Variants in XPO7 observed in about 807,000 individuals in gnomAD.
The protein encoded by XPO7 is exportin 7.
A neutral mutation model predicts 144.3 loss-of-function variants in XPO7; 21 were observed. That is an observed-to-expected ratio of 0.15 (90% confidence interval 0.10 to 0.21). XPO7 has a LOEUF of 0.21. Among genes scored for constraint, XPO7 ranks in the 10% least tolerant of loss-of-function variants. The pLI is 1.00. For synonymous variants in XPO7, 580 were observed against 499.6 expected, an observed-to-expected ratio of 1.16 and a Z score of -2.15; for missense variants, 808 against 1,325.8, an observed-to-expected ratio of 0.61 and a Z score of 6.06.
At chr8:21,920,481 A>G (rs1476664972) in intron 1 of XPO7, among the ~76,000 whole-genome samples, 1 of 151,710 alleles carries the variant, frequency 6.6e-6, no homozygotes. Flanking sequence ...CCTATGAAAC[A>G]CGGGGTGGAG....
intron 13 of XPO7, among the ~76,000 whole-genome samples, chr8:21,986,740 C>T (rs149102475): frequency 1.4e-4 from 22 of 152,320 alleles, no homozygotes; most frequent in African/African-American, 5.1e-4. Flanking sequence ...ATGATGGAGT[C>T]TCATTCACTC....
intron 1 of XPO7, among the ~76,000 whole-genome samples, chr8:21,949,349 C>T (rs1241208601): frequency 6.6e-6 from 1 of 152,208 alleles, no homozygotes; most frequent in East Asian, 1.9e-4. Flanking sequence ...CCATTGCCTG[C>T]CTAGAGGCAG....
chr8:21,963,820 TC>T (rs1373784575), intron 1 of XPO7, among the ~76,000 whole-genome samples: 1 of 152,208 alleles, frequency 6.6e-6, no homozygotes, highest in Non-Finnish European at 1.5e-5. Context: ...ATCTTTATTT[TC>T]CCCTAATCTA....
At chr8:21,998,285 C>G (rs1335507914) in intron 21 of XPO7, among the ~76,000 whole-genome samples, 1 of 152,042 alleles carries the variant, frequency 6.6e-6, no homozygotes, top group African/African-American at 2.4e-5. Context: ...ACTAAAAATA[C>G]AAAAAATTAG....
At chr8:21,978,985 C>T (rs1563329895) in intron 8 of XPO7, among the ~76,000 whole-genome samples, 1 of 152,190 alleles carries the variant, frequency 6.6e-6, no homozygotes, top group Non-Finnish European at 1.5e-5. Context: ...GAAAGCAGAT[C>T]TAGAGGGGGC....
At chr8:21,950,181 G>A (rs574790286) in intron 1 of XPO7, among the ~76,000 whole-genome samples, 3 of 152,324 alleles carry the variant, frequency 2.0e-5, no homozygotes, top group Non-Finnish European at 2.9e-5. Context: ...AATCTTTTAC[G>A]TTTCTGAAGA....
chr8:21,943,116 G>C (rs1228840342), intron 1 of XPO7, among the ~76,000 whole-genome samples: 1 of 152,118 alleles, frequency 6.6e-6, no homozygotes, highest in African/African-American at 2.4e-5. Flanking sequence ...GACCTCCTAA[G>C]TTTCAGTAAC....
At chr8:21,990,968 A>G in intron 18 of XPO7, 49 bp downstream of exon 18, 1 of 1,550,860 alleles carries the variant, frequency 6.4e-7, no homozygotes, top group Non-Finnish European at 8.9e-7. Context: ...GCACTCTTCT[A>G]AATTTTTATT....
In XPO7 at chr8:21,982,806, T is replaced by C; in HGVS notation, c.1271T>C (p.Ile424Thr). 6.2e-7 allele frequency: 1 copy of C among 1,601,310 alleles called. No homozygotes were observed. Among genetic ancestry groups the C allele is most frequent in the South Asian group, 1.1e-5 (1 of 88,566 alleles). The change falls in exon 11 of 28, where the codon ATA becomes ACA. Residue 424 changes from isoleucine (I) to threonine (T), a missense_variant. Transcript: ENST00000252512. ...TCCCGGTTGGAATCTGTGCACATCA[T>C]ACTGAGGTAAGGAAACTTAGCCTCA... ...ITSRLESVHI[I>T]LRDGLEDPLE...
intron 22 of XPO7, 100 bp from the exon 23 acceptor site, chr8:21,998,991 C>T: frequency 3.4e-6 from 5 of 1,488,432 alleles, no homozygotes; most frequent in Non-Finnish European, 4.6e-6. Flanking sequence ...CACCTGTCAC[C>T]AGGGGCCTAC....
At chr8:21,950,832 G>T (rs1398770654) in intron 1 of XPO7, among the ~76,000 whole-genome samples, 2 of 151,946 alleles carry the variant, frequency 1.3e-5, no homozygotes, top group East Asian at 3.9e-4. Context: ...TATAGAAAAT[G>T]AGGTATATAT....
At chr8:21,927,404 C>T (rs1356878477) in intron 1 of XPO7, among the ~76,000 whole-genome samples, 1 of 152,070 alleles carries the variant, frequency 6.6e-6, no homozygotes, top group East Asian at 1.9e-4. Context: ...GTTTTAATTT[C>T]ACAGAATTCC....
At chr8:21,946,361 A>G (rs1811187171) in intron 1 of XPO7, among the ~76,000 whole-genome samples, 1 of 152,190 alleles carries the variant, frequency 6.6e-6, no homozygotes, top group East Asian at 1.9e-4. Context: ...ATAATCAAAT[A>G]TAAGTTTAAA....
In XPO7 at chr8:22,003,917, A is replaced by G; in HGVS notation, c.3057A>G (p.Leu1019=). ...ILLNEKYFSD[L]RNSIVNSQPP... ...TTGCCCCACAGTATTTTTCTGACCT[A>G]AGAAACAGTATTGTGAACAGCCAGC... The change falls in exon 27 of 28, where the codon CTA becomes CTG. Residue 1019 remains leucine, a synonymous_variant. Coordinates refer to ENST00000252512, the MANE Select transcript of XPO7 (RefSeq NM_015024.5). 6.2e-7 allele frequency: 1 copy of G among 1,613,886 alleles called. No homozygotes were observed. Among genetic ancestry groups the G allele is most frequent in the Non-Finnish European group, 8.5e-7 (1 of 1,179,834 alleles).
Position 21,966,236 on chromosome 8 carries a change from T to A in XPO7, c.19-621T>A, listed in dbSNP as rs190163213. 5.2e-6 allele frequency: 4 copies of A among 771,966 alleles called. No homozygotes were observed. The East Asian group carries it at 9.7e-5, about 19-fold the overall frequency. The allele number at this position is 771,966 out of a possible 1,614,324, so 47.8% of individuals were successfully genotyped here. A position where few individuals can be genotyped will look rare whatever the true frequency, so the allele number is the denominator to read the frequency against. The stretch of plus-strand genomic sequence containing the variant: ...TTATTTTGACGCTTTCATTTTAAAT[T>A]TGGAACCAAAGTAAGAGTTTAAAGT... On this transcript the variant is annotated intron_variant, in intron 1 of 27. Coordinates refer to ENST00000252512, the MANE Select transcript of XPO7 (RefSeq NM_015024.5).
intron 1 of XPO7, among the ~76,000 whole-genome samples, chr8:21,935,034 A>C (rs755968838): frequency 1.3e-5 from 2 of 152,104 alleles, no homozygotes; most frequent in Non-Finnish European, 2.9e-5. Flanking sequence ...AAGAAATGAT[A>C]AACTAAAGTA....
intron 17 of XPO7, 193 bp downstream of exon 17, chr8:21,990,600 T>C (rs1347164704): frequency 2.7e-6 from 2 of 737,506 alleles, no homozygotes; most frequent in Non-Finnish European, 4.4e-6. Flanking sequence ...ATGTGAGTTA[T>C]GGTGAAGTCA....
intron 1 of XPO7, among the ~76,000 whole-genome samples, chr8:21,922,937 G>C (rs1228885274): frequency 6.6e-6 from 1 of 152,168 alleles, no homozygotes; most frequent in African/African-American, 2.4e-5. Context: ...TTGACTACCA[G>C]TGTAACTCCA....
rs747557483 is a variant in XPO7 at position 21,995,519 on chromosome 8, A to G, written c.2265A>G (p.Gln755=). 14 of 1,609,762 alleles carry G rather than the reference A, an allele frequency of 8.7e-6. No individual in the cohort carries two copies. In the African/African-American group the frequency reaches 1.7e-4, roughly 20 times the overall value. ...ATCCATCCTATATGCCAATTCTCCA[A>G]CGGGCAATTGAGCTCTGGTACCATG... is the stretch of plus-strand genomic sequence containing the variant. ...WIYPSYMPIL[Q]RAIELWYHDP... is the part of the protein sequence containing the mutation. Residue 755 remains glutamine (Q), a synonymous_variant, in exon 21 of 28, where the codon CAA becomes CAG. Transcript: ENST00000252512.
Sources: gnomAD v4.1 joint callset for allele counts (sites outside exome capture counted in the v4.1 genomes callset) on GRCh38, gnomAD v4.1.1 for gene constraint, MANE v1.5 for transcripts, NCBI Gene and HGNC (gene_info 2026-07-23, HGNC 2026-07-21) for gene names.